The following ZCRB1 variants were observed in gnomAD, a reference collection of about 807,000 sequenced individuals.
ZCRB1 encodes zinc finger CCHC-type and RNA binding motif containing 1.
A neutral mutation model predicts 29.9 loss-of-function variants in ZCRB1; 21 were observed. The ratio of observed to expected loss-of-function variants is 0.70; its 90% CI spans 0.50 to 1.01. ZCRB1 has a LOEUF of 1.01. Among genes scored for constraint, ZCRB1 ranks in the 50% least tolerant of loss-of-function variants. The pLI, the probability that ZCRB1 is intolerant of heterozygous loss-of-function variation, is 0.00. For missense variants in ZCRB1, 204 were observed against 253.3 expected, an observed-to-expected ratio of 0.81 and a Z score of 1.32; for synonymous variants, 77 against 80.0, an observed-to-expected ratio of 0.96 and a Z score of 0.20.
chr12:42,317,982 G>T (rs2068603057), intron 3 of ZCRB1, 84 bp from the exon 4 acceptor site: 1 of 1,067,304 alleles, frequency 9.4e-7, no homozygotes, highest in Non-Finnish European at 1.4e-6. Flanking sequence ...TTTAAAAAGG[G>T]CTAAAAATTT....
chr12:42,321,178 CT>C (rs2068619485), intron 3 of ZCRB1, among the ~76,000 whole-genome samples: 1 of 152,158 alleles, frequency 6.6e-6, no homozygotes, highest in Non-Finnish European at 1.5e-5. Flanking sequence ...TTCCCTGTTT[CT>C]AGGTGCTTAT....
intron 3 of ZCRB1, among the ~76,000 whole-genome samples, chr12:42,319,122 C>CT (rs141747835): frequency 2.2e-4 from 34 of 151,206 alleles, no homozygotes; most frequent in Non-Finnish European, 8.9e-5. Flanking sequence ...AGTTATCAGT[C>CT]TTTTTTTTTA....
chr12:42,323,344 C>T (rs1446607101), intron 2 of ZCRB1, among the ~76,000 whole-genome samples: 3 of 152,114 alleles, frequency 2.0e-5, no homozygotes, highest in African/African-American at 4.8e-5. Flanking sequence ...TCGTATAAGG[C>T]ACCTCGAGTG....
chr12:42,320,319 A>G (rs2068615250), intron 3 of ZCRB1, among the ~76,000 whole-genome samples: 1 of 152,142 alleles, frequency 6.6e-6, no homozygotes, highest in Non-Finnish European at 1.5e-5. Context: ...TTTATTTCAT[A>G]ATGATCTCTG....
rs1261651620 is a variant in ZCRB1 at position 42,313,155 on chromosome 12, G to A, written c.566C>T (p.Ser189Leu). The change falls in exon 8 of 8, where the codon TCA becomes TTA. Residue 189 changes from serine (S) to leucine (L), a missense_variant. By Grantham distance (145) the Ser-to-Leu change is moderately radical (BLOSUM62 -2). Transcript: ENST00000266529. ...ATCATCTGATGTTGAGGGGACTCCTGAACTGGGTTTCCATTTTTTTTGTTC... is the reference window on the plus strand; with the variant it reads ...ATCATCTGATGTTGAGGGGACTCCTAAACTGGGTTTCCATTTTTTTTGTTC... The part of the protein sequence containing the change: ...EEEQKKWKPS[S>L]GVPSTSDDSR... 6.2e-7 allele frequency: 1 copy of A among 1,611,970 alleles called. No individual in the cohort carries two copies. The highest frequency in any genetic ancestry group is 1.7e-5 in the Admixed American group (1 of 59,796).
At position 42,317,459 on chromosome 12, in the gene ZCRB1, A is replaced by G; in HGVS notation, c.226-12T>C. 6.4e-7 allele frequency: 1 copy of G among 1,560,752 alleles called. No homozygotes were observed. Among genetic ancestry groups the G allele is most frequent in the South Asian group, 1.2e-5 (1 of 85,674 alleles). ...ACTCTACCAAATAACTAAACAAGAGAAAAATGTAAATGTAGAATGTATTTC... is the reference window on the plus strand; with the variant it reads ...ACTCTACCAAATAACTAAACAAGAGGAAAATGTAAATGTAGAATGTATTTC... On this transcript the variant is annotated splice_polypyrimidine_tract_variant and intron_variant, in intron 4 of 7. Transcript: ENST00000266529.
chr12:42,323,134 G>A (rs2068629683), intron 2 of ZCRB1, among the ~76,000 whole-genome samples: 1 of 152,092 alleles, frequency 6.6e-6, no homozygotes, highest in African/African-American at 2.4e-5. Flanking sequence ...CTTTTAGAAT[G>A]TGTTAGTATA....
intron 3 of ZCRB1, among the ~76,000 whole-genome samples, chr12:42,318,362 G>A (rs1454775747): frequency 2.0e-5 from 3 of 152,276 alleles, no homozygotes; most frequent in East Asian, 1.9e-4. Context: ...GGTTGTGGTG[G>A]TGCGCACCTG....
chr12:42,314,397 TAAAAAAAAAAA>T (rs71084639), intron 5 of ZCRB1, among the ~76,000 whole-genome samples: 4 of 27,756 alleles, frequency 1.4e-4, no homozygotes, highest in East Asian at 8.9e-4. Context: ...CCGTCTCTAC[TAAAAAAAAAAA>T]AAAAAAAAAA....
At chr12:42,319,901 G>C (rs960052350) in intron 3 of ZCRB1, among the ~76,000 whole-genome samples, 1 of 152,168 alleles carries the variant, frequency 6.6e-6, no homozygotes, top group Non-Finnish European at 1.5e-5. Flanking sequence ...CAGTCACTCT[G>C]TTAGCCTCAA....
At chr12:42,315,249 A>C (rs1343117394) in intron 5 of ZCRB1, among the ~76,000 whole-genome samples, 2 of 152,376 alleles carry the variant, frequency 1.3e-5, no homozygotes, top group East Asian at 1.9e-4. Flanking sequence ...TTTGTAAAAC[A>C]TAAGAGCTCA....
chr12:42,313,408 T>G lies in ZCRB1; in HGVS notation c.523-210A>C, dbSNP rs2068578835. On this transcript the variant is annotated intron_variant, in intron 7 of 7. Coordinates refer to ENST00000266529, the MANE Select transcript of ZCRB1 (RefSeq NM_033114.4). ...TCCTAGGCAATTTCTTAAAAAAATC[T>G]TTTCTGTTGGGCTATATTCACTTTG... Among the ~76,000 whole-genome samples, 2 of 152,180 alleles carry G rather than the reference T, an allele frequency of 1.3e-5. 1 individual carries two copies. Among genetic ancestry groups the G allele is most frequent in the South Asian group, 4.1e-4 (2 of 4,828 alleles).
Position 42,313,658 on chromosome 12 carries a change from G to A in ZCRB1, c.522+32C>T, listed in dbSNP as rs370004057. The stretch of plus-strand genomic sequence containing the variant: ...AGCACTATAAACCAAGTCAACTATT[G>A]TATGATGCCTTTTAAAAGAACAATT... On this transcript the variant is annotated intron_variant, in intron 7 of 7. Transcript: ENST00000266529. The A allele has an allele frequency of 2.7e-5, 44 of 1,605,196 alleles. No individual in the cohort carries two copies. In the African/African-American group the frequency reaches 5.8e-4, roughly 21 times the overall value.
In ZCRB1 at chr12:42,318,026, A is replaced by C. The variant is rs2068603278; in HGVS notation, c.114-128T>G. On this transcript the variant is annotated intron_variant, in intron 3 of 7. Transcript: ENST00000266529. ...AATTAATACATTTGAAAAATCAGCT[A>C]TCTCTTCAAAGTCAAGGGATATCAA... is the stretch of plus-strand genomic sequence containing the variant. 7.2e-6 allele frequency: 5 copies of C among 697,936 alleles called. No individual in the cohort carries two copies. The Admixed American group carries it at 1.2e-4, about 17-fold the overall frequency. The allele number at this position is 697,936 out of a possible 1,614,324, so 43.2% of individuals were successfully genotyped here.
At chr12:42,317,575 G>A in intron 4 of ZCRB1, 128 bp from the exon 5 acceptor site, 1 of 860,002 alleles carries the variant, frequency 1.2e-6, no homozygotes, top group African/African-American at 1.7e-5. Context: ...ACTTAGGTGT[G>A]ATAAATTCTA....
intron 5 of ZCRB1, among the ~76,000 whole-genome samples, chr12:42,314,397 TAAAAAAAAA>T (rs71084639): frequency 1.0e-3 from 28 of 27,760 alleles, no homozygotes; most frequent in African/African-American, 4.2e-3. Context: ...CCGTCTCTAC[TAAAAAAAAA>T]AAAAAAAAAA....
chr12:42,315,827 T>C (rs144080771), intron 5 of ZCRB1, among the ~76,000 whole-genome samples: 7 of 152,342 alleles, frequency 4.6e-5, no homozygotes, highest in African/African-American at 1.7e-4. Context: ...AAGTGTTTAC[T>C]TAAGAGGTTT....
At chr12:42,323,025 CTCTCT>C (rs1404087789) in intron 2 of ZCRB1, among the ~76,000 whole-genome samples, 1 of 152,186 alleles carries the variant, frequency 6.6e-6, no homozygotes, top group East Asian at 1.9e-4. Context: ...ATACTTGGCT[CTCTCT>C]TCTGTTACTT....
At chr12:42,314,397 TAAAAAAAAAAAA>T (rs71084639) in intron 5 of ZCRB1, among the ~76,000 whole-genome samples, 3 of 27,756 alleles carry the variant, frequency 1.1e-4, no homozygotes, top group Non-Finnish European at 1.2e-4. Context: ...CCGTCTCTAC[TAAAAAAAAAAAA>T]AAAAAAAAAA....
Sources: gnomAD v4.1 joint callset for allele counts (sites outside exome capture counted in the v4.1 genomes callset) on GRCh38, gnomAD v4.1.1 for gene constraint, MANE v1.5 for transcripts, NCBI Gene and HGNC (gene_info 2026-07-23, HGNC 2026-07-21) for gene names.